Variants in LRRC2 observed in about 807,000 individuals in gnomAD.
LRRC2 encodes the protein leucine rich repeat containing 2.
Under a neutral mutation model 40.2 loss-of-function variants are expected in LRRC2, and 27 were observed. That is an observed-to-expected ratio of 0.67 (90% CI 0.49 to 0.93). The LOEUF (loss-of-function observed/expected upper bound fraction) is 0.93. Ranked by LOEUF, LRRC2 falls within the 40% of genes least tolerant of loss-of-function variation. The pLI is 0.00. For synonymous variants in LRRC2, 147 were observed against 158.9 expected (o/e 0.92, Z 0.56); for missense variants, 402 against 439.6 (o/e 0.91, Z 0.76).
intron 7 of LRRC2, among the ~76,000 whole-genome samples, chr3:46,524,364 G>A (rs558316656): frequency 1.3e-5 from 2 of 152,304 alleles, no homozygotes; most frequent in South Asian, 4.1e-4. Context: ...CTGGACTGCT[G>A]GTACAGAGTG....
intron 1 of LRRC2, among the ~76,000 whole-genome samples, chr3:46,564,685 C>T (rs570051575): frequency 6.6e-6 from 1 of 152,206 alleles, no homozygotes; most frequent in East Asian, 1.9e-4. Flanking sequence ...GGAGCTGATG[C>T]CAGAGGTCAC....
chr3:46,527,202 T>A (rs910399586), intron 7 of LRRC2, among the ~76,000 whole-genome samples: 1 of 152,192 alleles, frequency 6.6e-6, no homozygotes, highest in Admixed American at 6.5e-5. Context: ...TCAACCAGCA[T>A]GCATTTGTGC....
At chr3:46,547,530 C>T (rs1054428955) in intron 2 of LRRC2, among the ~76,000 whole-genome samples, 4 of 151,766 alleles carry the variant, frequency 2.6e-5, no homozygotes, top group African/African-American at 7.3e-5. Flanking sequence ...GTGGCACATG[C>T]TTGTAGTCCC....
intron 1 of LRRC2, among the ~76,000 whole-genome samples, chr3:46,554,731 C>T (rs1466890130): frequency 6.6e-6 from 1 of 151,412 alleles, no homozygotes; most frequent in Non-Finnish European, 1.5e-5. Context: ...TTTGTGTGTA[C>T]ATTTGTTGTC....
intron 8 of LRRC2, among the ~76,000 whole-genome samples, chr3:46,520,982 G>C (rs1157093278): frequency 6.6e-6 from 1 of 152,114 alleles, no homozygotes; most frequent in African/African-American, 2.4e-5. Flanking sequence ...CTGGGAAAAA[G>C]CCTTCCCACC....
Position 46,543,488 on chromosome 3 carries a change from T to G in LRRC2, c.333+1558A>C, listed in dbSNP as rs899400291. ...AAATTTAGCCGGGTATGGTGGCGGG[T>G]GCCTGTGGTCCCAGCTACTCGGGAG... On this transcript the variant is annotated intron_variant, in intron 3 of 8. Coordinates refer to ENST00000395905, the MANE Select transcript of LRRC2 (RefSeq NM_024512.5). 2.9e-3 allele frequency among the ~76,000 whole-genome samples: 442 copies of G among 151,924 alleles called. 2 individuals are homozygous for G. Among genetic ancestry groups the G allele is most frequent in the African/African-American group, 0.01 (417 of 41,436 alleles).
At chr3:46,524,844 T>C (rs1371100018) in intron 7 of LRRC2, among the ~76,000 whole-genome samples, 3 of 152,166 alleles carry the variant, frequency 2.0e-5, no homozygotes, top group African/African-American at 4.8e-5. Flanking sequence ...TATATAGCGA[T>C]GTAGTACTCC....
rs17286758 is a variant in LRRC2, at chr3:46,545,132, T to C, written c.247A>G (p.Thr83Ala). Reference protein sequence around the residue: ...VRLLDKIERNTLTRQSSLPKD... With the variant: ...VRLLDKIERNALTRQSSLPKD... The stretch of plus-strand genomic sequence containing the variant: ...GGAAGTGAACTCTGCCTTGTGAGAG[T>C]GTTCCTTTCAATCTTGTCCAGAAGC... The change falls in exon 3 of 9, where the codon ACT (threonine) becomes GCT (alanine). Residue 83 changes from threonine (T) to alanine (A), a missense_variant. By Grantham distance (58) the Thr-to-Ala change is moderately conservative (BLOSUM62 0). Transcript: ENST00000395905. 0.088 allele frequency: 141,824 copies of C among 1,613,888 alleles called. 7,064 individuals carry two copies. The highest frequency in any genetic ancestry group is 0.17 in the South Asian group (15,769 of 91,064).
chr3:46,553,448 C>CTTCTTT (rs879550705), intron 1 of LRRC2, among the ~76,000 whole-genome samples: 6 of 152,114 alleles, frequency 3.9e-5, no homozygotes, highest in Non-Finnish European at 8.8e-5. Flanking sequence ...AATATTTAAT[C>CTTCTTT]TTCTTTTTCT....
At chr3:46,562,972 C>T (rs574080837) in intron 1 of LRRC2, among the ~76,000 whole-genome samples, 12 of 152,158 alleles carry the variant, frequency 7.9e-5, no homozygotes, top group African/African-American at 2.2e-4. Flanking sequence ...GTGATCTGCC[C>T]GCCTCGGCAT....
chr3:46,532,986 T>C, intron 4 of LRRC2, 77 bp from the exon 5 acceptor site: 1 of 1,411,704 alleles, frequency 7.1e-7, no homozygotes. Flanking sequence ...AACTAAGAAG[T>C]AAACAGCTCT....
chr3:46,530,685 C>T (rs867816979), intron 5 of LRRC2, among the ~76,000 whole-genome samples: 10 of 152,300 alleles, frequency 6.6e-5, no homozygotes, highest in Non-Finnish European at 1.0e-4. Flanking sequence ...TACATGGCAG[C>T]AGGCAAAAAG....
chr3:46,551,670 T>C, intron 1 of LRRC2, 60 bp from the exon 2 acceptor site: 1 of 1,222,378 alleles, frequency 8.2e-7, no homozygotes, highest in Non-Finnish European at 1.1e-6. Flanking sequence ...AGTTTTAACA[T>C]AAACTTTAAA....
Position 46,545,032 on chromosome 3 carries a change from C to G in LRRC2, c.333+14G>C, listed in dbSNP as rs1559416291. ...ACCACAGCACTGCATTGGGCGAGAA[C>G]TGCCTCGACTCACCGTCCAGTGCTC... On this transcript the variant is annotated intron_variant, in intron 3 of 8. Transcript: ENST00000395905. 6.2e-7 allele frequency: 1 copy of G among 1,611,136 alleles called. No homozygotes were observed. The highest frequency in any genetic ancestry group is 8.5e-7 in the Non-Finnish European group (1 of 1,178,942).
At chr3:46,525,086 CTTTTTTTTT>C (rs11284933) in intron 7 of LRRC2, among the ~76,000 whole-genome samples, 2 of 117,574 alleles carry the variant, frequency 1.7e-5, no homozygotes, top group Non-Finnish European at 3.5e-5. Flanking sequence ...CTTTTTTTTT[CTTTTTTTTT>C]TTTTTTTTTT....
At chr3:46,538,937 T>C in intron 4 of LRRC2, 108 bp downstream of exon 4, 2 of 1,251,770 alleles carry the variant, frequency 1.6e-6, no homozygotes, top group South Asian at 3.0e-5. Context: ...AACCACTTCC[T>C]GGGGAAGCTG....
intron 8 of LRRC2, among the ~76,000 whole-genome samples, chr3:46,519,804 T>C (rs913497370): frequency 4.0e-4 from 61 of 152,338 alleles, no homozygotes; most frequent in African/African-American, 1.4e-3. Flanking sequence ...TACTATTTTT[T>C]CACTCAGACA....
chr3:46,527,331 T>C (rs969753472), intron 7 of LRRC2, 95 bp downstream of exon 7: 1 of 1,313,132 alleles, frequency 7.6e-7, no homozygotes, highest in Non-Finnish European at 1.1e-6. Context: ...ACGAGAGCCA[T>C]CTAATCCGGG....
At position 46,539,095 on chromosome 3, in the gene LRRC2, C is replaced by T; in HGVS notation, c.440G>A (p.Arg147Lys). The T allele has an allele frequency of 1.2e-6, 2 of 1,613,924 alleles. No individual in the cohort carries two copies. The highest frequency in any genetic ancestry group is 1.7e-6 in the Non-Finnish European group (2 of 1,179,940). ...TTGGTTTTTTGGCAGATCCAGAATT[C>T]TCATCGCTTGAAATAACTGAATATA... ...PTYIQLFQAM[R>K]ILDLPKNQIS... The change falls in exon 4 of 9, where the codon AGA becomes AAA. Residue 147 changes from arginine (R) to lysine (K), a missense_variant. Physicochemically the swap from Arg to Lys is conservative, Grantham distance 26 (BLOSUM62 2). Transcript: ENST00000395905.
Sources: allele counts gnomAD v4.1 joint callset (sites outside exome capture counted in the v4.1 genomes callset), GRCh38; gene constraint gnomAD v4.1.1; transcripts MANE v1.5; gene names NCBI Gene and HGNC (gene_info 2026-07-23, HGNC 2026-07-21).